Variants in CSNK1G3 observed in about 807,000 individuals in gnomAD.
The protein encoded by CSNK1G3 is casein kinase 1 gamma 3, also known as casein kinase I isoform gamma-3.
In CSNK1G3, 23 loss-of-function variants were observed where a neutral mutation model predicts 64.3. The observed-to-expected ratio is 0.36, with a 90% CI of 0.26 to 0.51. CSNK1G3 has a LOEUF of 0.51. CSNK1G3 is among the 20% of genes least tolerant of loss of function. CSNK1G3 has a pLI of 0.96. For missense variants in CSNK1G3, 357 were observed against 510.5 expected, an observed-to-expected ratio of 0.70 and a Z score of 2.90; for synonymous variants, 158 against 162.2, an observed-to-expected ratio of 0.97 and a Z score of 0.20.
intron 10 of CSNK1G3, among the ~76,000 whole-genome samples, chr5:123,601,911 T>C (rs1299549699): frequency 6.6e-6 from 1 of 152,148 alleles, no homozygotes; most frequent in Non-Finnish European, 1.5e-5. Context: ...GTGGAGAATA[T>C]GTGAGATAAG....
intron 1 of CSNK1G3, among the ~76,000 whole-genome samples, chr5:123,533,873 G>A (rs1341670689): frequency 6.6e-6 from 1 of 151,378 alleles, no homozygotes; most frequent in Non-Finnish European, 1.5e-5. Context: ...CTTTCCTGAT[G>A]TATCTAGTGG....
At chr5:123,562,629 G>A (rs1785989208) in intron 4 of CSNK1G3, among the ~76,000 whole-genome samples, 1 of 151,608 alleles carries the variant, frequency 6.6e-6, no homozygotes, top group South Asian at 2.1e-4. Flanking sequence ...TCTATTTCTG[G>A]ACAAATAATA....
At chr5:123,549,455 T>G (rs1783221144) in intron 2 of CSNK1G3, among the ~76,000 whole-genome samples, 1 of 152,182 alleles carries the variant, frequency 6.6e-6, no homozygotes, top group South Asian at 2.1e-4. Flanking sequence ...ACACTCCTTT[T>G]CTATCTGGCC....
chr5:123,612,641 C>G (rs940733744), intron 12 of CSNK1G3, among the ~76,000 whole-genome samples: 1 of 151,906 alleles, frequency 6.6e-6, no homozygotes, highest in East Asian at 1.9e-4. Flanking sequence ...CCACGCCTGG[C>G]TAATTTTTGT....
chr5:123,557,355 T>C, intron 3 of CSNK1G3, 140 bp from the exon 4 acceptor site: 1 of 620,438 alleles, frequency 1.6e-6, no homozygotes, highest in South Asian at 1.9e-5. Context: ...TTGATTTTTA[T>C]ATGAATCTAA....
At chr5:123,604,756 A>C (rs954169560) in exon 11 of CSNK1G3, 1 of 1,611,720 alleles carries the variant, frequency 6.2e-7, no homozygotes, top group South Asian at 1.1e-5. Context: ...AGTTAAACAC[A>C]GATGACCCCA....
chr5:123,582,805 GT>G (rs1305335276), intron 6 of CSNK1G3, among the ~76,000 whole-genome samples: 1 of 152,156 alleles, frequency 6.6e-6, no homozygotes, highest in Non-Finnish European at 1.5e-5. Context: ...ACCCTAGGGG[GT>G]GTTCTTTAGT....
intron 6 of CSNK1G3, among the ~76,000 whole-genome samples, chr5:123,580,404 C>CATA (rs1790015636): frequency 6.6e-6 from 1 of 151,918 alleles, no homozygotes; most frequent in African/African-American, 2.4e-5. Context: ...TGTAAAATCA[C>CATA]ATAATAAGAA....
intron 2 of CSNK1G3, among the ~76,000 whole-genome samples, chr5:123,552,775 G>A (rs995827107): frequency 9.2e-5 from 14 of 152,026 alleles, no homozygotes; most frequent in Non-Finnish European, 7.4e-5. Flanking sequence ...AGGAGTTCTC[G>A]TTTTGAAATT....
chr5:123,582,076 G>T (rs1400176520), intron 6 of CSNK1G3, among the ~76,000 whole-genome samples: 4 of 152,006 alleles, frequency 2.6e-5, no homozygotes, highest in Non-Finnish European at 4.4e-5. Flanking sequence ...TCCTGCTTCT[G>T]TGTGAGGCAT....
intron 12 of CSNK1G3, among the ~76,000 whole-genome samples, chr5:123,610,208 G>A (rs1022253618): frequency 6.6e-6 from 1 of 152,022 alleles, no homozygotes; most frequent in Non-Finnish European, 1.5e-5. Flanking sequence ...ATGGTTCCTC[G>A]TTTTTTCTTT....
At chr5:123,601,026 T>G (rs1794409163) in intron 10 of CSNK1G3, among the ~76,000 whole-genome samples, 1 of 152,140 alleles carries the variant, frequency 6.6e-6, no homozygotes, top group African/African-American at 2.4e-5. Flanking sequence ...AATTATTTTT[T>G]GAAATGTCAA....
intron 3 of CSNK1G3, among the ~76,000 whole-genome samples, chr5:123,556,123 G>A (rs796413954): frequency 6.6e-5 from 10 of 152,156 alleles, no homozygotes; most frequent in African/African-American, 2.4e-4. Context: ...CTTAACTACT[G>A]TACTATCCTG....
chr5:123,594,348 G>T (rs1793006413), intron 10 of CSNK1G3, among the ~76,000 whole-genome samples: 2 of 152,106 alleles, frequency 1.3e-5, no homozygotes, highest in African/African-American at 2.4e-5. Flanking sequence ...AGAATTTTCA[G>T]ATTATTTCAT....
At position 123,549,824 on chromosome 5, in the gene CSNK1G3, C is replaced by T. The variant is rs758505625; in HGVS notation, c.179-3283C>T. ...CACATCTGTCTATCATAAAAGAGCA[C>T]AGAAGAGAATATTATGTATTGTTTA... On this transcript the variant is annotated intron_variant, in intron 2 of 12. Transcript: ENST00000345990. Among the ~76,000 whole-genome samples, 30 of 152,270 alleles carry T rather than the reference C, an allele frequency of 2.0e-4. No homozygotes were observed. The Middle Eastern group carries it at 0.01, about 52-fold the overall frequency.
At chr5:123,554,547 C>T (rs1023220461) in intron 3 of CSNK1G3, among the ~76,000 whole-genome samples, 2 of 152,304 alleles carry the variant, frequency 1.3e-5, no homozygotes, top group Admixed American at 6.5e-5. Context: ...TTAATCACAG[C>T]GGGGAGGCCT....
intron 4 of CSNK1G3, among the ~76,000 whole-genome samples, chr5:123,564,559 T>G (rs1289304144): frequency 1.3e-5 from 2 of 152,100 alleles, no homozygotes; most frequent in East Asian, 3.8e-4. Context: ...TAGAGTCCAT[T>G]TTTTCCTTAA....
Position 123,556,437 on chromosome 5 carries a change from G to C in CSNK1G3, c.220-1058G>C, listed in dbSNP as rs1046283275. Among the ~76,000 whole-genome samples the C allele has an allele frequency of 2.0e-5, 3 of 151,830 alleles. No homozygotes were observed. The South Asian group carries it at 6.2e-4, about 31-fold the overall frequency. ...AAATCCATACTAAATCTTCTCACTG[G>C]ATTGTCCAGGTGTCTGATCCTTTTC... On this transcript the variant is annotated intron_variant, in intron 3 of 12. Coordinates refer to ENST00000345990, the Ensembl canonical transcript of CSNK1G3.
rs567980735 is a variant in CSNK1G3 at position 123,547,189 on chromosome 5, A to G, written c.178+1348A>G. On this transcript the variant is annotated intron_variant, in intron 2 of 12. Coordinates refer to ENST00000345990, the Ensembl canonical transcript of CSNK1G3. ...ATAAAAATAGTGCCTTATGGAACAGATAAGTCATTTAACCACTCAGGGCTT... is the reference window on the plus strand; with the variant it reads ...ATAAAAATAGTGCCTTATGGAACAGGTAAGTCATTTAACCACTCAGGGCTT... 7.8e-4 allele frequency among the ~76,000 whole-genome samples: 118 copies of G among 152,142 alleles called. 1 individual carries two copies. Among genetic ancestry groups the G allele is most frequent in the Admixed American group, 2.3e-3 (35 of 15,262 alleles).
Sources: allele counts gnomAD v4.1 joint callset (sites outside exome capture counted in the v4.1 genomes callset), GRCh38; gene constraint gnomAD v4.1.1; transcripts MANE v1.5; gene names NCBI Gene and HGNC (gene_info 2026-07-23, HGNC 2026-07-21).